CFAP77: variants seen among roughly 807,000 people sequenced by gnomAD.
CFAP77 encodes cilia- and flagella-associated protein 77.
A neutral mutation model predicts 31.1 loss-of-function variants in CFAP77; 25 were observed. The observed-to-expected ratio is 0.80, with a 90% confidence interval of 0.59 to 1.12. CFAP77 has a LOEUF of 1.12. CFAP77 is among the 50% of genes most tolerant of loss of function. The pLI is 0.00. For missense variants in CFAP77, 377 were observed against 397.3 expected (o/e 0.95, Z 0.44); for synonymous variants, 151 against 159.9 (o/e 0.94, Z 0.42).
Position 132,549,536 on chromosome 9 carries a change from A to G in CFAP77, c.732+6489A>G, listed in dbSNP as rs564243772. Among the ~76,000 whole-genome samples the G allele has an allele frequency of 1.9e-3, 295 of 152,284 alleles. 2 individuals are homozygous for G. The highest frequency in any genetic ancestry group is 6.9e-3 in the African/African-American group (287 of 41,572). Reference sequence around the variant, plus strand: ...GTATGCCGACGAGCTGACTTGCTACAGGGATGAAAGCAGGAGCTTGGCCGG... The same window carrying G: ...GTATGCCGACGAGCTGACTTGCTACGGGGATGAAAGCAGGAGCTTGGCCGG... On this transcript the variant is annotated intron_variant, in intron 5 of 5. Transcript: ENST00000393216.
At chr9:132,535,793 A>G (rs1852531328) in intron 3 of CFAP77, among the ~76,000 whole-genome samples, 1 of 152,142 alleles carries the variant, frequency 6.6e-6, no homozygotes, top group Admixed American at 6.5e-5. Context: ...TTGACATACA[A>G]TTAGGTTCAT....
intron 3 of CFAP77, among the ~76,000 whole-genome samples, chr9:132,505,641 A>G (rs1349578869): frequency 6.6e-6 from 1 of 152,138 alleles, no homozygotes; most frequent in Non-Finnish European, 1.5e-5. Context: ...AGGAGATTTC[A>G]TATAAATACC....
chr9:132,509,616 A>C (rs1414462637), intron 3 of CFAP77, among the ~76,000 whole-genome samples: 3 of 152,164 alleles, frequency 2.0e-5, no homozygotes, highest in East Asian at 1.9e-4. Flanking sequence ...TAAAAATACA[A>C]AAATTAGCCA....
In CFAP77 at chr9:132,566,355, C is replaced by T. The variant is rs539122408; in HGVS notation, c.733-6033C>T. 5.9e-5 allele frequency among the ~76,000 whole-genome samples: 9 copies of T among 152,330 alleles called. No homozygotes were observed. The East Asian group carries it at 1.2e-3, about 20-fold the overall frequency. The stretch of plus-strand genomic sequence containing the variant: ...AAATGACTTAACCTTCTGGGACCTC[C>T]ACTTTCCCATCTGTAAAATGGAGAC... On this transcript the variant is annotated intron_variant, in intron 5 of 5. Coordinates refer to ENST00000393216, the MANE Select transcript of CFAP77 (RefSeq NM_001282957.2).
At chr9:132,444,940 A>T (rs1442392701) in intron 1 of CFAP77, among the ~76,000 whole-genome samples, 1 of 149,378 alleles carries the variant, frequency 6.7e-6, no homozygotes, top group African/African-American at 2.5e-5. Flanking sequence ...CCCCTCCACC[A>T]GCCCCTAGCA....
chr9:132,485,798 G>A (rs1851530215), intron 1 of CFAP77, among the ~76,000 whole-genome samples: 1 of 151,340 alleles, frequency 6.6e-6, no homozygotes, highest in South Asian at 2.1e-4. Context: ...CATTTATTGG[G>A]CACTTACTCC....
At chr9:132,525,417 C>G (rs550169985) in intron 3 of CFAP77, among the ~76,000 whole-genome samples, 22 of 152,290 alleles carry the variant, frequency 1.4e-4, no homozygotes, top group African/African-American at 5.3e-4. Context: ...AAAAATTTTA[C>G]TTTGAGATGA....
intron 3 of CFAP77, among the ~76,000 whole-genome samples, chr9:132,532,575 G>A (rs1852472496): frequency 6.6e-6 from 1 of 152,168 alleles, no homozygotes; most frequent in South Asian, 2.1e-4. Flanking sequence ...AGACCACCAC[G>A]CAGGCCACAT....
chr9:132,532,166 G>A (rs758374155), intron 3 of CFAP77, among the ~76,000 whole-genome samples: 3 of 152,222 alleles, frequency 2.0e-5, no homozygotes, highest in Non-Finnish European at 4.4e-5. Flanking sequence ...AAGGACCTCT[G>A]CGCAGGGGCG....
At chr9:132,484,322 G>T (rs1263491411) in intron 1 of CFAP77, among the ~76,000 whole-genome samples, 1 of 152,008 alleles carries the variant, frequency 6.6e-6, no homozygotes, top group Non-Finnish European at 1.5e-5. Context: ...GACTATATTC[G>T]CAATGTCATA....
chr9:132,536,179 G>A (rs1271177153), intron 3 of CFAP77, among the ~76,000 whole-genome samples: 2 of 152,070 alleles, frequency 1.3e-5, no homozygotes, highest in African/African-American at 4.8e-5. Flanking sequence ...CTCCAAGTGG[G>A]TACAAAACTT....
At chr9:132,529,332 G>T (rs1852392034) in intron 3 of CFAP77, among the ~76,000 whole-genome samples, 1 of 119,348 alleles carries the variant, frequency 8.4e-6, no homozygotes, top group African/African-American at 3.1e-5. Context: ...ACAGGAAGGG[G>T]AATATCACAC....
At chr9:132,447,811 C>T (rs1397175199) in intron 1 of CFAP77, among the ~76,000 whole-genome samples, 1 of 152,232 alleles carries the variant, frequency 6.6e-6, no homozygotes, top group Non-Finnish European at 1.5e-5. Flanking sequence ...CTGCTACTTC[C>T]TCTCTGTACT....
In CFAP77 at chr9:132,552,253, G is replaced by A. The variant is rs1027037138; in HGVS notation, c.732+9206G>A. ...CAGAGAGGACCAAGTGCAATCATGC[G>A]TGTGAAGCGCGTGGCACAGGCCTGG... is the stretch of plus-strand genomic sequence containing the variant. On this transcript the variant is annotated intron_variant, in intron 5 of 5. Coordinates refer to ENST00000393216, the MANE Select transcript of CFAP77 (RefSeq NM_001282957.2). The surrounding 1 kb of genome is among the most constrained non-coding windows in gnomAD (Gnocchi z 5.5). Among the ~76,000 whole-genome samples the A allele has an allele frequency of 6.6e-5, 10 of 152,236 alleles. No individual in the cohort carries two copies. The highest frequency in any genetic ancestry group is 1.4e-4 in the African/African-American group (6 of 41,462).
intron 3 of CFAP77, among the ~76,000 whole-genome samples, chr9:132,515,647 A>C (rs1455970260): frequency 6.6e-6 from 1 of 151,944 alleles, no homozygotes; most frequent in Non-Finnish European, 1.5e-5. Flanking sequence ...GGAAAGGAGG[A>C]ATTCCCTCTT....
chr9:132,449,265 TTGCACTCACCCTCCTCTCCTACTCCTGGC>T (rs770970998), intron 1 of CFAP77, among the ~76,000 whole-genome samples: 41,186 of 147,676 alleles, frequency 0.28, 6,258 homozygotes, highest in Admixed American at 0.34. Flanking sequence ...TTTTGCTCCC[TTGCACTCACCCTCCTCTCCTACTCCTGGC>T]TGCACTCACC....
chr9:132,491,020 C>T (rs1047896923), intron 1 of CFAP77, among the ~76,000 whole-genome samples: 3 of 151,966 alleles, frequency 2.0e-5, no homozygotes, highest in Non-Finnish European at 4.4e-5. Flanking sequence ...TGTGTGGGTG[C>T]GCCCTGCGAG....
At chr9:132,536,114 C>CTGGTTATATATCTATCTTAT (rs1457221049) in intron 3 of CFAP77, among the ~76,000 whole-genome samples, 1 of 152,000 alleles carries the variant, frequency 6.6e-6, no homozygotes, top group African/African-American at 2.4e-5. Flanking sequence ...TATATGGGGG[C>CTGGTTATATATCTATCTTAT]ATCCTATGGG....
In CFAP77 at chr9:132,539,081, C is replaced by T. The variant is rs1335823531; in HGVS notation, c.630+1375C>T. On this transcript the variant is annotated intron_variant, in intron 4 of 5. Coordinates refer to ENST00000393216, the MANE Select transcript of CFAP77 (RefSeq NM_001282957.2). This position sits in a 1 kb window ranked among gnomAD's most constrained non-coding sequence, Gnocchi z 4.3. The stretch of plus-strand genomic sequence containing the variant: ...CAGCCTGGGCAACAGAGCAAGACTC[C>T]GTCTCGATAAAAAAATAAATAAATA... Among the ~76,000 whole-genome samples the T allele has an allele frequency of 2.6e-5, 4 of 151,968 alleles. No homozygotes were observed. Among genetic ancestry groups the T allele is most frequent in the Admixed American group, 6.6e-5 (1 of 15,256 alleles).
Sources: allele counts gnomAD v4.1 joint callset (sites outside exome capture counted in the v4.1 genomes callset), GRCh38; gene constraint gnomAD v4.1.1; non-coding constraint Gnocchi (gnomAD v3.1); transcripts MANE v1.5; gene names NCBI Gene and HGNC (gene_info 2026-07-23, HGNC 2026-07-21).